LINGO2: variants seen among roughly 807,000 people sequenced by gnomAD.
LINGO2 encodes the protein leucine rich repeat and Ig domain containing 2.
Under a neutral mutation model 30.6 loss-of-function variants are expected in LINGO2, and 14 were observed. That is an observed-to-expected ratio of 0.46 (90% CI 0.30 to 0.72). The LOEUF (loss-of-function observed/expected upper bound fraction) is 0.72. Among genes scored for constraint, LINGO2 ranks in the 30% least tolerant of loss-of-function variants. The probability of loss-of-function intolerance (pLI) is 0.07; values close to 1 mark genes in which losing one functional copy is unlikely to be tolerated. For synonymous variants in LINGO2, 317 were observed against 288.5 expected, an observed-to-expected ratio of 1.10 and a Z score of -1.00; for missense variants, 729 against 751.7, an observed-to-expected ratio of 0.97 and a Z score of 0.35.
At chr9:28,914,607 C>T in the LINGO2 span, among the ~76,000 whole-genome samples, 6 of 151,774 alleles carry the variant, frequency 4.0e-5, no homozygotes, top group Non-Finnish European at 8.8e-5. Flanking sequence ...TTCAACCAAA[C>T]ACAGATTGAA....
the LINGO2 span, among the ~76,000 whole-genome samples, chr9:28,923,266 G>T: frequency 1.3e-5 from 2 of 152,198 alleles, no homozygotes; most frequent in Non-Finnish European, 2.9e-5. Flanking sequence ...GAGCTCCCCA[G>T]AGACATTGGC....
chr9:29,084,789 T>C, the LINGO2 span, among the ~76,000 whole-genome samples: 5 of 152,148 alleles, frequency 3.3e-5, no homozygotes, highest in African/African-American at 1.2e-4. Flanking sequence ...CATTTATGTA[T>C]GTGATTATTT....
At chr9:28,792,780 T>G in the LINGO2 span, among the ~76,000 whole-genome samples, 1 of 152,160 alleles carries the variant, frequency 6.6e-6, no homozygotes, top group East Asian at 1.9e-4. Context: ...TATGAAGATT[T>G]TGAGTGGCAG....
intron 4 of LINGO2, among the ~76,000 whole-genome samples, chr9:28,199,167 G>A (rs908956757): frequency 1.1e-4 from 16 of 152,020 alleles, no homozygotes; most frequent in African/African-American, 3.1e-4. Context: ...TGGTATTTGG[G>A]TTGTTATTTA....
At chr9:29,116,361 G>T in the LINGO2 span, among the ~76,000 whole-genome samples, 1 of 151,916 alleles carries the variant, frequency 6.6e-6, no homozygotes, top group Non-Finnish European at 1.5e-5. Context: ...AATTTGTAAG[G>T]CAGTGAATAT....
At chr9:28,471,685 T>C (rs900285805) in intron 2 of LINGO2, among the ~76,000 whole-genome samples, 17 of 152,216 alleles carry the variant, frequency 1.1e-4, no homozygotes, top group Non-Finnish European at 2.4e-4. Flanking sequence ...TATAAAGATA[T>C]AGAGCTACTA....
chr9:28,067,414 G>A (rs993227512), intron 4 of LINGO2, among the ~76,000 whole-genome samples: 5 of 152,076 alleles, frequency 3.3e-5, no homozygotes, highest in Admixed American at 3.3e-4. Flanking sequence ...AGATTTCATG[G>A]AAAATAAAAA....
chr9:28,638,899 G>T (rs953220433), intron 1 of LINGO2, among the ~76,000 whole-genome samples: 24 of 152,006 alleles, frequency 1.6e-4, no homozygotes, highest in African/African-American at 3.4e-4. Context: ...CTAGTTCTTT[G>T]AATTGTGATG....
chr9:28,484,659 C>G (rs903376942), intron 1 of LINGO2, among the ~76,000 whole-genome samples: 2 of 152,078 alleles, frequency 1.3e-5, no homozygotes, highest in Admixed American at 1.3e-4. Context: ...TCTGGAGCTA[C>G]TAGCAGACAT....
At chr9:29,070,443 T>C in the LINGO2 span, among the ~76,000 whole-genome samples, 1 of 152,044 alleles carries the variant, frequency 6.6e-6, no homozygotes, top group Non-Finnish European at 1.5e-5. Context: ...CCATCCTCCA[T>C]GGATGGCAAT....
At chr9:28,414,901 T>C (rs951610651) in intron 2 of LINGO2, among the ~76,000 whole-genome samples, 4 of 152,108 alleles carry the variant, frequency 2.6e-5, no homozygotes, top group African/African-American at 7.2e-5. Context: ...TTTATTATAG[T>C]AGAGCACTGA....
At chr9:28,926,219 C>T in the LINGO2 span, among the ~76,000 whole-genome samples, 1 of 152,026 alleles carries the variant, frequency 6.6e-6, no homozygotes, top group Non-Finnish European at 1.5e-5. Flanking sequence ...GAGGCTGAGG[C>T]AAGAGAATTG....
intron 4 of LINGO2, among the ~76,000 whole-genome samples, chr9:28,095,968 C>T (rs890265256): frequency 6.6e-6 from 1 of 152,058 alleles, no homozygotes; most frequent in Admixed American, 6.6e-5. Flanking sequence ...AATGAGATCC[C>T]ATCTCTACAA....
At chr9:27,996,246 TA>T (rs1027005960) in intron 5 of LINGO2, among the ~76,000 whole-genome samples, 1 of 152,138 alleles carries the variant, frequency 6.6e-6, no homozygotes, top group African/African-American at 2.4e-5. Flanking sequence ...TCAAAAAAAC[TA>T]AAATACAACT....
chr9:29,208,670 T>C, the LINGO2 span, among the ~76,000 whole-genome samples: 5 of 152,174 alleles, frequency 3.3e-5, no homozygotes, highest in African/African-American at 1.2e-4. Flanking sequence ...CTTTTTCCAA[T>C]GCTTAAAGCT....
chr9:28,327,208 C>G (rs1476198282), intron 3 of LINGO2, among the ~76,000 whole-genome samples: 1 of 152,136 alleles, frequency 6.6e-6, no homozygotes, highest in Non-Finnish European at 1.5e-5. Flanking sequence ...GACTTCCCAG[C>G]TTCAAGAACT....
At chr9:28,323,278 A>T (rs1037571838) in intron 3 of LINGO2, among the ~76,000 whole-genome samples, 1 of 152,152 alleles carries the variant, frequency 6.6e-6, no homozygotes, top group African/African-American at 2.4e-5. Flanking sequence ...GTGCCTTTTG[A>T]TATAACTATA....
rs554437733 is a variant in LINGO2 at position 28,471,547 on chromosome 9, A to T, written c.-279+4393T>A. Among the ~76,000 whole-genome samples, 7 of 152,308 alleles carry T rather than the reference A, an allele frequency of 4.6e-5. No homozygotes were observed. In the East Asian group the frequency reaches 1.2e-3, roughly 25 times the overall value. ...ACATTTTTCACATGTGAATTCTGGG[A>T]GACACACACGAACAATAGCACCATT... On this transcript the variant is annotated intron_variant, in intron 2 of 5. Transcript: ENST00000379992.
At chr9:29,182,351 T>C in the LINGO2 span, among the ~76,000 whole-genome samples, 1 of 152,066 alleles carries the variant, frequency 6.6e-6, no homozygotes, top group South Asian at 2.1e-4. Flanking sequence ...GATCCAAGTG[T>C]TAGGTATGGT....
Sources: gnomAD v4.1 joint callset for allele counts (sites outside exome capture counted in the v4.1 genomes callset) on GRCh38, gnomAD v4.1.1 for gene constraint, MANE v1.5 for transcripts, NCBI Gene and HGNC (gene_info 2026-07-23, HGNC 2026-07-21) for gene names.